Variants in ABCA1 observed in about 807,000 individuals in gnomAD.
ABCA1 encodes the protein phospholipid-transporting ATPase ABCA1.
Under a neutral mutation model 262.5 loss-of-function variants are expected in ABCA1, and 133 were observed. The ratio of observed to expected loss-of-function variants is 0.51; its 90% CI spans 0.44 to 0.59. ABCA1 has a LOEUF of 0.59. ABCA1 is among the 20% of genes least tolerant of loss of function. ABCA1 has a pLI of 0.00. For missense variants in ABCA1, 2,452 were observed against 2,777.5 expected, an observed-to-expected ratio of 0.88 and a Z score of 2.63; for synonymous variants, 1,022 against 1,043.5, an observed-to-expected ratio of 0.98 and a Z score of 0.40.
chr9:104,917,154 A>G (rs1057508319), intron 1 of ABCA1, among the ~76,000 whole-genome samples: 2 of 152,218 alleles, frequency 1.3e-5, no homozygotes, highest in African/African-American at 2.4e-5. Flanking sequence ...TGGGAAAAGC[A>G]CAAACCTGGG....
intron 40 of ABCA1, 87 bp downstream of exon 40, chr9:104,794,300 C>A: frequency 1.2e-6 from 2 of 1,600,276 alleles, no homozygotes. Context: ...TAGTCACCTG[C>A]TTCTTTCCAA....
chr9:104,845,361 A>T, intron 8 of ABCA1, 116 bp downstream of exon 8: 1 of 744,612 alleles, frequency 1.3e-6, no homozygotes, highest in Non-Finnish European at 2.4e-6. Context: ...TACTTTGAAA[A>T]TTGATATTAC....
chr9:104,784,549 A>G (rs1420072239), intron 49 of ABCA1, 94 bp from the exon 50 acceptor site: 1 of 1,443,010 alleles, frequency 6.9e-7, no homozygotes, highest in Non-Finnish European at 9.7e-7. Flanking sequence ...AATTAGGTCA[A>G]GTAGGAGCAT....
chr9:104,875,141 C>A (rs1407032701), intron 5 of ABCA1, among the ~76,000 whole-genome samples: 1 of 151,562 alleles, frequency 6.6e-6, no homozygotes, highest in Non-Finnish European at 1.5e-5. Context: ...TTGTTCTGTA[C>A]TAAGAAAAAT....
intron 8 of ABCA1, among the ~76,000 whole-genome samples, chr9:104,841,478 C>T (rs1834368150): frequency 6.6e-6 from 1 of 152,030 alleles, no homozygotes. Context: ...AAACTCAAGT[C>T]TGAACCCTAG....
intron 28 of ABCA1, among the ~76,000 whole-genome samples, chr9:104,811,373 T>G (rs1831264362): frequency 6.6e-6 from 1 of 152,176 alleles, no homozygotes. Flanking sequence ...CTGGCCTCAG[T>G]TTTCTCATTT....
At chr9:104,809,414 C>A in intron 30 of ABCA1, 52 bp downstream of exon 30, 7 of 1,543,264 alleles carry the variant, frequency 4.5e-6, no homozygotes, top group Non-Finnish European at 5.4e-6. Flanking sequence ...TATTAGAAAT[C>A]AAACCAGGCA....
chr9:104,808,273 G>A (rs1191680438), intron 30 of ABCA1, among the ~76,000 whole-genome samples: 2 of 152,158 alleles, frequency 1.3e-5, no homozygotes, highest in South Asian at 2.1e-4. Context: ...TGTCTCTATG[G>A]GCTGGCTCTC....
intron 32 of ABCA1, 73 bp downstream of exon 32, chr9:104,804,553 T>C: frequency 8.4e-7 from 1 of 1,192,204 alleles, no homozygotes; most frequent in Non-Finnish European, 1.3e-6. Flanking sequence ...ACTGTTTCAG[T>C]CTGTTATTTG....
intron 43 of ABCA1, among the ~76,000 whole-genome samples, chr9:104,791,625 C>A (rs1829433964): frequency 6.6e-6 from 1 of 152,174 alleles, no homozygotes; most frequent in Non-Finnish European, 1.5e-5. Context: ...TGGGGTTTCA[C>A]CATGTTGGCC....
At position 104,786,956 on chromosome 9, in the gene ABCA1, C is replaced by T. The variant is rs1273491705; in HGVS notation, c.6225G>A (p.Met2075Ile). The change falls in exon 47 of 50, where the codon ATG becomes ATA. Residue 2075 changes from methionine to isoleucine, a missense_variant. Around this residue, in one of 4 missense-constraint regions of ABCA1, gnomAD observed 752 missense variants for 944.5 expected, o/e 0.80. Coordinates refer to ENST00000374736, the MANE Select transcript of ABCA1 (RefSeq NM_005502.4). ...ACAAGAACCGCCGGGCTTTGGGATC[C>T]ATGCCTGTGGTGGGTTCATCCTGTA... is the stretch of plus-strand genomic sequence containing the variant. ...VVFLDEPTTGMDPKARRFLWN... is the reference protein window; with the variant it reads ...VVFLDEPTTGIDPKARRFLWN... 1.2e-6 allele frequency: 2 copies of T among 1,613,914 alleles called. No homozygotes were observed. Among genetic ancestry groups the T allele is most frequent in the Non-Finnish European group, 1.7e-6 (2 of 1,179,978 alleles).
At chr9:104,876,474 T>G (rs1376156665) in intron 5 of ABCA1, among the ~76,000 whole-genome samples, 1 of 151,860 alleles carries the variant, frequency 6.6e-6, no homozygotes, top group Non-Finnish European at 1.5e-5. Flanking sequence ...CAACCTGGAG[T>G]TGAATGAGAG....
chr9:104,874,935 C>T (rs576307551), intron 5 of ABCA1, among the ~76,000 whole-genome samples: 2 of 151,260 alleles, frequency 1.3e-5, no homozygotes, highest in African/African-American at 2.4e-5. Flanking sequence ...GCCCGGCCGC[C>T]CCTTCTGGGA....
chr9:104,821,908 TAA>T (rs1832389448), intron 19 of ABCA1, among the ~76,000 whole-genome samples: 1 of 152,152 alleles, frequency 6.6e-6, no homozygotes, highest in African/African-American at 2.4e-5. Flanking sequence ...GAAAAGCTCA[TAA>T]TATATTAATT....
At chr9:104,799,053 G>A (rs1202660105) in intron 36 of ABCA1, among the ~76,000 whole-genome samples, 1 of 152,130 alleles carries the variant, frequency 6.6e-6, no homozygotes, top group Admixed American at 6.6e-5. Flanking sequence ...ATAACAGTAT[G>A]CAGCCTATTG....
chr9:104,831,149 TA>T lies in ABCA1; in HGVS notation c.1716-49del, dbSNP rs34121951. On this transcript the variant is annotated intron_variant, in intron 13 of 49. Coordinates refer to ENST00000374736, the MANE Select transcript of ABCA1 (RefSeq NM_005502.4). ...CAACCATTCCTTTAGAACCATACAA[TA>T]AAAAAAAAAAAAAAAAAAAATTGCC... The T allele has an allele frequency of 0.23, 210,647 of 911,366 alleles. 1,597 individuals carry two copies. The highest frequency in any genetic ancestry group is 0.26 in the African/African-American group (12,412 of 47,956). 56.5% of individuals were successfully genotyped at this position (911,366 alleles called of 1,614,324 possible). A position where few individuals can be genotyped will look rare whatever the true frequency, so the allele number is the denominator to read the frequency against.
Position 104,802,044 on chromosome 9 carries a change from G to GAT in ABCA1, c.4698+8_4698+9dup, listed in dbSNP as rs747912870. 2.5e-6 allele frequency: 4 copies of GAT among 1,613,048 alleles called. No individual in the cohort carries two copies. In the Admixed American group the frequency reaches 6.7e-5, roughly 27 times the overall value. ...CATTTTTCTGATACATCTTACGATA[G>GAT]ATATTTTACCTTGGCCAGCTTTAGG... On this transcript the variant is annotated intron_variant, in intron 34 of 49. Coordinates refer to ENST00000374736, the MANE Select transcript of ABCA1 (RefSeq NM_005502.4).
chr9:104,806,918 C>T (rs747928413), intron 30 of ABCA1, among the ~76,000 whole-genome samples: 3 of 152,092 alleles, frequency 2.0e-5, no homozygotes, highest in Non-Finnish European at 2.9e-5. Context: ...GGAGAATGAA[C>T]CTACTAAGAG....
intron 3 of ABCA1, among the ~76,000 whole-genome samples, chr9:104,885,917 T>C (rs1205798064): frequency 6.6e-6 from 1 of 152,178 alleles, no homozygotes; most frequent in Non-Finnish European, 1.5e-5. Flanking sequence ...GTCAAACCAA[T>C]TGGAATTCAC....
Sources: allele counts gnomAD v4.1 joint callset (sites outside exome capture counted in the v4.1 genomes callset), GRCh38; gene constraint gnomAD v4.1.1; regional missense constraint gnomAD v4.1.1; transcripts MANE v1.5; gene names NCBI Gene and HGNC (gene_info 2026-07-23, HGNC 2026-07-21).